The following ARHGAP15 variants were observed in gnomAD, a reference collection of about 807,000 sequenced individuals.
The protein encoded by ARHGAP15 is Rho GTPase activating protein 15.
A neutral mutation model predicts 63.7 loss-of-function variants in ARHGAP15; 51 were observed. That is an observed-to-expected ratio of 0.80 (90% confidence interval 0.64 to 1.01). The LOEUF is 1.01. Among genes scored for constraint, ARHGAP15 ranks in the 50% least tolerant of loss-of-function variants. The pLI is 0.00. For missense variants in ARHGAP15, 560 were observed against 564.6 expected, an observed-to-expected ratio of 0.99 and a Z score of 0.08; for synonymous variants, 191 against 193.8, an observed-to-expected ratio of 0.99 and a Z score of 0.12.
chr2:143,519,187 A>G (rs943726396), intron 9 of ARHGAP15, 79 bp from the exon 10 acceptor site: 23 of 1,084,320 alleles, frequency 2.1e-5, no homozygotes, highest in African/African-American at 9.5e-5. Flanking sequence ...TCAGCATGCA[A>G]TGGATATGGA....
In ARHGAP15 at chr2:143,487,330, A is replaced by G. The variant is rs551418886; in HGVS notation, c.704-43A>G. The G allele has an allele frequency of 1.8e-4, 283 of 1,580,184 alleles. 1 individual carries two copies. In the African/African-American group the frequency reaches 3.7e-3, roughly 21 times the overall value. ...GATTTGCATAAAGTAATAATCATAA[A>G]GGAGAAATTTACCAAAAGCCTCTGA... On this transcript the variant is annotated intron_variant, in intron 8 of 13. Transcript: ENST00000295095.
chr2:143,392,414 TTA>T (rs1258375778), intron 6 of ARHGAP15, among the ~76,000 whole-genome samples: 2 of 152,222 alleles, frequency 1.3e-5, no homozygotes, highest in African/African-American at 4.8e-5. Context: ...TCTGAAAGAC[TTA>T]TATGTCATCT....
intron 13 of ARHGAP15, among the ~76,000 whole-genome samples, chr2:143,721,121 T>TTC (rs1469090624): frequency 1.3e-5 from 2 of 148,402 alleles, no homozygotes; most frequent in East Asian, 4.0e-4. Flanking sequence ...AGGCCTGAGA[T>TTC]TCTGTACAGA....
intron 6 of ARHGAP15, among the ~76,000 whole-genome samples, chr2:143,331,752 G>A (rs1162120777): frequency 6.6e-6 from 1 of 152,112 alleles, no homozygotes; most frequent in African/African-American, 2.4e-5. Flanking sequence ...TTCTTCTGAG[G>A]TAAAGAGAAA....
chr2:143,715,214 C>T (rs1410014293), intron 13 of ARHGAP15, among the ~76,000 whole-genome samples: 1 of 152,100 alleles, frequency 6.6e-6, no homozygotes, highest in East Asian at 1.9e-4. Context: ...ACACAGAAAC[C>T]CCTGATAAAC....
chr2:143,759,591 C>A (rs1386640747), intron 13 of ARHGAP15, among the ~76,000 whole-genome samples: 2 of 152,166 alleles, frequency 1.3e-5, no homozygotes, highest in African/African-American at 4.8e-5. Flanking sequence ...CCCTAAGTCC[C>A]TCCGCAGCAT....
intron 6 of ARHGAP15, among the ~76,000 whole-genome samples, chr2:143,258,455 A>G (rs1680535473): frequency 1.3e-5 from 2 of 152,186 alleles, no homozygotes; most frequent in Non-Finnish European, 2.9e-5. Flanking sequence ...ACACTTATGC[A>G]TAACTGGAAA....
chr2:143,439,771 A>G (rs1043138348), intron 8 of ARHGAP15, among the ~76,000 whole-genome samples: 4 of 152,144 alleles, frequency 2.6e-5, no homozygotes, highest in African/African-American at 9.6e-5. Context: ...ACTTTTAATC[A>G]TTACATTATA....
intron 4 of ARHGAP15, among the ~76,000 whole-genome samples, chr2:143,220,234 GT>G (rs1240442829): frequency 1.3e-5 from 2 of 152,060 alleles, no homozygotes; most frequent in East Asian, 3.9e-4. Flanking sequence ...ATTTTTGTCT[GT>G]TTTTTGAGAC....
intron 6 of ARHGAP15, among the ~76,000 whole-genome samples, chr2:143,376,571 T>C (rs551459481): frequency 2.0e-5 from 3 of 152,208 alleles, no homozygotes; most frequent in Admixed American, 1.3e-4. Flanking sequence ...TTAGAACACA[T>C]AGAATAAAAT....
chr2:143,132,151 AC>A (rs1688938318), intron 1 of ARHGAP15, among the ~76,000 whole-genome samples: 1 of 152,252 alleles, frequency 6.6e-6, no homozygotes, highest in African/African-American at 2.4e-5. Flanking sequence ...CATATTTTTT[AC>A]ACTGTACAAT....
At chr2:143,168,751 T>C (rs1690648535) in intron 2 of ARHGAP15, among the ~76,000 whole-genome samples, 1 of 152,044 alleles carries the variant, frequency 6.6e-6, no homozygotes, top group Non-Finnish European at 1.5e-5. Flanking sequence ...ATACAAAATT[T>C]AAATCAACTT....
chr2:143,165,943 G>GAAGA (rs139582621), intron 2 of ARHGAP15, among the ~76,000 whole-genome samples: 2 of 92,588 alleles, frequency 2.2e-5, no homozygotes, highest in Non-Finnish European at 4.5e-5. Context: ...GAAAAGAAAA[G>GAAGA]AAGAAAGAAA....
At chr2:143,462,091 C>T (rs555476890) in intron 8 of ARHGAP15, among the ~76,000 whole-genome samples, 4 of 152,098 alleles carry the variant, frequency 2.6e-5, no homozygotes, top group Non-Finnish European at 5.9e-5. Context: ...GCCTGGGAGG[C>T]GGAGGTTACA....
intron 9 of ARHGAP15, among the ~76,000 whole-genome samples, chr2:143,503,868 T>TACAAAGCTAC (rs1441242777): frequency 6.6e-6 from 1 of 152,104 alleles, no homozygotes; most frequent in Non-Finnish European, 1.5e-5. Context: ...TCTGAGAGGA[T>TACAAAGCTAC]ACAAAGCTAC....
chr2:143,272,246 T>C (rs1681322682), intron 6 of ARHGAP15, among the ~76,000 whole-genome samples: 6 of 152,128 alleles, frequency 3.9e-5, no homozygotes, highest in Admixed American at 3.3e-4. Flanking sequence ...GGCCAGAACA[T>C]ATTAGGGAGG....
chr2:143,643,692 T>G (rs1038632185), intron 12 of ARHGAP15, among the ~76,000 whole-genome samples: 2 of 151,878 alleles, frequency 1.3e-5, no homozygotes, highest in Non-Finnish European at 2.9e-5. Flanking sequence ...TTTCACTATT[T>G]TGCAAAAGAA....
chr2:143,627,631 C>A (rs1333982268), intron 12 of ARHGAP15, among the ~76,000 whole-genome samples: 1 of 152,062 alleles, frequency 6.6e-6, no homozygotes, highest in Non-Finnish European at 1.5e-5. Flanking sequence ...TCAACAGATC[C>A]ACTCGCGAGT....
At chr2:143,501,504 T>C (rs764587953) in intron 9 of ARHGAP15, among the ~76,000 whole-genome samples, 3 of 152,210 alleles carry the variant, frequency 2.0e-5, no homozygotes, top group Non-Finnish European at 4.4e-5. Flanking sequence ...TTGAAGAAGA[T>C]ATCATAAACA....
Sources: gnomAD v4.1 joint callset for allele counts (sites outside exome capture counted in the v4.1 genomes callset) on GRCh38, gnomAD v4.1.1 for gene constraint, MANE v1.5 for transcripts, NCBI Gene and HGNC (gene_info 2026-07-23, HGNC 2026-07-21) for gene names.